SCN10A: variants seen among roughly 807,000 people sequenced by gnomAD.
SCN10A encodes the protein sodium voltage-gated channel alpha subunit 10.
In SCN10A, 162 loss-of-function variants were observed where a neutral mutation model predicts 170.7. That is an observed-to-expected ratio of 0.95 (90% CI 0.84 to 1.08). SCN10A has a LOEUF of 1.08. Among genes scored for constraint, SCN10A ranks in the 50% least tolerant of loss-of-function variants. The pLI is 0.00. For synonymous variants in SCN10A, 985 were observed against 904.6 expected (o/e 1.09, Z -1.59); for missense variants, 2,527 against 2,436.9 (o/e 1.04, Z -0.78).
chr3:38,725,251 C>A lies in SCN10A; in HGVS notation c.3151G>T (p.Gly1051Ter). ...GGAGCCAGGTCCTCAGAAGATGTTC[C>A]AGTGCCTGGGCTCCTGGGTGTCAGG... ...DHLTPRSPGT[G>*]TSSEDLAPSL... is the part of the protein sequence containing the mutation. The change falls in exon 18 of 28, where the codon GGA becomes TGA. Residue 1051 changes from glycine (G) to a stop codon, truncating the protein, a stop_gained. Transcript: ENST00000449082. LOFTEE classifies it high-confidence loss of function. 1 of 1,606,020 alleles carries A rather than the reference C, an allele frequency of 6.2e-7. No homozygotes were observed. Among genetic ancestry groups the A allele is most frequent in the Non-Finnish European group, 8.5e-7 (1 of 1,174,084 alleles).
intron 23 of SCN10A, among the ~76,000 whole-genome samples, chr3:38,711,323 C>T (rs1002681639): frequency 3.9e-5 from 6 of 152,164 alleles, no homozygotes; most frequent in African/African-American, 1.4e-4. Flanking sequence ...AATAGAAGAC[C>T]TCCATGTTCC....
chr3:38,700,968 T>C (rs939105768), intron 27 of SCN10A, among the ~76,000 whole-genome samples: 2 of 152,192 alleles, frequency 1.3e-5, no homozygotes, highest in African/African-American at 4.8e-5. Flanking sequence ...AGCAAGTTCA[T>C]TAGAAGATTG....
rs1175649386 is a variant in SCN10A at position 38,739,601 on chromosome 3, A to G, written c.2194T>C (p.Phe732Leu). 6.2e-7 allele frequency: 1 copy of G among 1,614,158 alleles called. No homozygotes were observed. Among genetic ancestry groups the G allele is most frequent in the South Asian group, 1.1e-5 (1 of 91,088 alleles). Residue 732 changes from phenylalanine to leucine, a missense_variant, in exon 15 of 28, where the codon TTT (phenylalanine) becomes CTT (leucine). Phe to Leu is a conservative substitution (Grantham distance 22). Transcript: ENST00000449082. Reference protein sequence around the residue: ...YYYFQKKWNIFDCIIVTVSLL... With the variant: ...YYYFQKKWNILDCIIVTVSLL... The stretch of plus-strand genomic sequence containing the variant: ...CTCACAGTGACGATGATGCAGTCAA[A>G]GATATTCCACTTCTTCTGGAAATAA...
intron 27 of SCN10A, among the ~76,000 whole-genome samples, chr3:38,701,446 G>C (rs2063155066): frequency 6.6e-6 from 1 of 152,086 alleles, no homozygotes. Context: ...CAGATTTTAA[G>C]ACTCATCTCA....
chr3:38,725,336 T>A (rs768278218), intron 17 of SCN10A, 22 bp from the exon 18 acceptor site: 2 of 1,552,560 alleles, frequency 1.3e-6, no homozygotes, highest in South Asian at 2.4e-5. Flanking sequence ...GGGTCCCAAC[T>A]GGGTGCCTGG....
chr3:38,754,034 A>C (rs2063776481), intron 11 of SCN10A, among the ~76,000 whole-genome samples: 1 of 152,200 alleles, frequency 6.6e-6, no homozygotes, highest in African/African-American at 2.4e-5. Flanking sequence ...GAGGGAGAGG[A>C]TGCCTTCCTG....
chr3:38,749,346 T>C (rs1205700767), intron 13 of SCN10A, among the ~76,000 whole-genome samples: 4 of 152,162 alleles, frequency 2.6e-5, no homozygotes, highest in Non-Finnish European at 4.4e-5. Flanking sequence ...ATGATGAAGG[T>C]TGCATTCTCC....
At chr3:38,717,973 G>C (rs933431536) in intron 21 of SCN10A, among the ~76,000 whole-genome samples, 1 of 152,166 alleles carries the variant, frequency 6.6e-6, no homozygotes, top group African/African-American at 2.4e-5. Flanking sequence ...CTAATGCAGG[G>C]ATTACTGGCC....
At chr3:38,765,839 TC>T (rs1173781261) in intron 5 of SCN10A, among the ~76,000 whole-genome samples, 1 of 152,170 alleles carries the variant, frequency 6.6e-6, no homozygotes, top group Non-Finnish European at 1.5e-5. Flanking sequence ...ATTGATTTTA[TC>T]CATCCATGAG....
chr3:38,725,725 TA>T (rs2063447258), intron 17 of SCN10A, among the ~76,000 whole-genome samples: 1 of 152,264 alleles, frequency 6.6e-6, no homozygotes, highest in Non-Finnish European at 1.5e-5. Context: ...GTCAAAATTG[TA>T]GGGAACTTGG....
At chr3:38,773,531 A>G (rs1204367120) in intron 4 of SCN10A, among the ~76,000 whole-genome samples, 1 of 152,248 alleles carries the variant, frequency 6.6e-6, no homozygotes, top group African/African-American at 2.4e-5. Flanking sequence ...GATGTGTGCA[A>G]ATAAATTGAA....
chr3:38,701,805 G>A, intron 27 of SCN10A, 34 bp downstream of exon 27: 1 of 1,568,394 alleles, frequency 6.4e-7, no homozygotes, highest in Non-Finnish European at 8.6e-7. Flanking sequence ...CCAAACAGAG[G>A]TGGGGCTTCC....
intron 5 of SCN10A, among the ~76,000 whole-genome samples, chr3:38,767,540 T>C (rs553913825): frequency 2.0e-5 from 3 of 152,182 alleles, no homozygotes; most frequent in Non-Finnish European, 4.4e-5. Context: ...CATGTATTTG[T>C]ATAGTTTTGA....
intron 4 of SCN10A, among the ~76,000 whole-genome samples, chr3:38,783,041 G>A (rs2064157784): frequency 6.6e-6 from 1 of 152,024 alleles, no homozygotes; most frequent in African/African-American, 2.4e-5. Flanking sequence ...CCTTGTCCTT[G>A]TGTTCTCACA....
chr3:38,707,560 G>A (rs1317294755), intron 25 of SCN10A, among the ~76,000 whole-genome samples, 177 bp from the exon 26 acceptor site: 1 of 152,184 alleles, frequency 6.6e-6, no homozygotes, highest in African/African-American at 2.4e-5. Context: ...GTGGGACTGA[G>A]TTCCATTGCT....
intron 7 of SCN10A, among the ~76,000 whole-genome samples, chr3:38,760,976 C>T (rs906174924): frequency 6.6e-6 from 1 of 152,190 alleles, no homozygotes; most frequent in Non-Finnish European, 1.5e-5. Context: ...AATGACTTGC[C>T]TCTAGATTTA....
At position 38,712,142 on chromosome 3, in the gene SCN10A, G is replaced by A. The variant is rs1271986559; in HGVS notation, c.4089+19C>T. 6.2e-7 allele frequency: 1 copy of A among 1,611,572 alleles called. No homozygotes were observed. The highest frequency in any genetic ancestry group is 8.5e-7 in the Non-Finnish European group (1 of 1,178,044). On this transcript the variant is annotated intron_variant, in intron 23 of 27. Coordinates refer to ENST00000449082, the MANE Select transcript of SCN10A (RefSeq NM_006514.4). ...AGCGGCCAAAGCAAGAGATATGGTTGATCTCATGGTTGACTCACCACCTGC... is the reference window on the plus strand; with the variant it reads ...AGCGGCCAAAGCAAGAGATATGGTTAATCTCATGGTTGACTCACCACCTGC...
At position 38,792,261 on chromosome 3, in the gene SCN10A, C is replaced by T. The variant is rs1559468128; in HGVS notation, c.271-93G>A. 1.3e-5 allele frequency: 19 copies of T among 1,494,130 alleles called. No homozygotes were observed. In the South Asian group the frequency reaches 2.3e-4, roughly 18 times the overall value. 92.6% of individuals were successfully genotyped at this position (1,494,130 alleles called of 1,614,324 possible). ...TAAACATGAGAGGCATTATCTCAGGCTTATGAGCAAGAAGGGCTCTGGGAA... is the reference window on the plus strand; with the variant it reads ...TAAACATGAGAGGCATTATCTCAGGTTTATGAGCAAGAAGGGCTCTGGGAA... On this transcript the variant is annotated intron_variant, in intron 2 of 27. Coordinates refer to ENST00000449082, the MANE Select transcript of SCN10A (RefSeq NM_006514.4).
intron 14 of SCN10A, 72 bp from the exon 15 acceptor site, chr3:38,739,760 G>T (rs2063611423): frequency 1.7e-6 from 2 of 1,211,102 alleles, no homozygotes; most frequent in African/African-American, 3.0e-5. Context: ...ATGGCAGCAA[G>T]AAAATGTCTT....
Sources: gnomAD v4.1 joint callset for allele counts (sites outside exome capture counted in the v4.1 genomes callset) on GRCh38, gnomAD v4.1.1 for gene constraint, MANE v1.5 for transcripts, NCBI Gene and HGNC (gene_info 2026-07-23, HGNC 2026-07-21) for gene names.